Variants in RBM27 observed in about 807,000 individuals in gnomAD.
RBM27 encodes RNA binding motif protein 27, also known as RNA-binding protein 27.
In RBM27, 22 loss-of-function variants were observed where a neutral mutation model predicts 135.3. The ratio of observed to expected loss-of-function variants is 0.16; its 90% CI spans 0.12 to 0.23. RBM27 has a LOEUF of 0.23. Ranked by LOEUF, RBM27 falls within the 10% of genes least tolerant of loss-of-function variation. The pLI is 1.00. For synonymous variants in RBM27, 481 were observed against 442.4 expected (o/e 1.09, Z -1.10); for missense variants, 1,009 against 1,281.0 (o/e 0.79, Z 3.24).
intron 19 of RBM27, among the ~76,000 whole-genome samples, chr5:146,272,119 A>G (rs553422719): frequency 6.6e-6 from 1 of 152,378 alleles, no homozygotes; most frequent in East Asian, 1.9e-4. Flanking sequence ...TGTTTTGGAC[A>G]TATGCAGTAT....
chr5:146,265,500 C>A (rs1045602966), intron 14 of RBM27, among the ~76,000 whole-genome samples: 1 of 152,110 alleles, frequency 6.6e-6, no homozygotes, highest in African/African-American at 2.4e-5. Context: ...TTGATTACGT[C>A]TTGTTTTGTA....
chr5:146,264,878 T>C (rs1041395696), intron 14 of RBM27, among the ~76,000 whole-genome samples: 2 of 152,148 alleles, frequency 1.3e-5, no homozygotes, highest in East Asian at 1.9e-4. Flanking sequence ...ATAAATAGTA[T>C]TGGGATGACT....
intron 15 of RBM27, 36 bp downstream of exon 15, chr5:146,267,804 A>C (rs1175968919): frequency 6.3e-7 from 1 of 1,588,042 alleles, no homozygotes; most frequent in African/African-American, 1.4e-5. Flanking sequence ...TACAGAAGAA[A>C]AGATGCCTTG....
intron 19 of RBM27, among the ~76,000 whole-genome samples, chr5:146,276,244 A>G (rs1759088393): frequency 6.6e-6 from 1 of 152,126 alleles, no homozygotes; most frequent in South Asian, 2.1e-4. Flanking sequence ...AAAAAAATAA[A>G]TTATTCTACT....
rs534086909 is a variant in RBM27, at chr5:146,208,060, A to C, written c.59+4236A>C. ...CAACTTCTGCCTCCCGGGTTCAAGC[A>C]ATTCTCCTGCCTCAGCCTCCTGAGT... On this transcript the variant is annotated intron_variant, in intron 1 of 20. Transcript: ENST00000265271. 7.0e-5 allele frequency among the ~76,000 whole-genome samples: 10 copies of C among 143,228 alleles called. No homozygotes were observed. The East Asian group carries it at 1.7e-3, about 24-fold the overall frequency. The allele number at this position is 143,228 out of a possible 152,430, so 94.0% of individuals were successfully genotyped here.
chr5:146,233,961 C>G (rs78484098), intron 7 of RBM27, among the ~76,000 whole-genome samples: 2,983 of 152,166 alleles, frequency 0.02, 100 homozygotes, highest in African/African-American at 0.069. Flanking sequence ...GTGTAGTGGC[C>G]TAACCTATAT....
At chr5:146,210,879 G>A (rs906399592) in intron 1 of RBM27, among the ~76,000 whole-genome samples, 5 of 152,058 alleles carry the variant, frequency 3.3e-5, no homozygotes, top group Non-Finnish European at 4.4e-5. Context: ...CCTGGGAGGC[G>A]GAGGTTGCAG....
chr5:146,262,729 T>C (rs1052428278), intron 13 of RBM27, among the ~76,000 whole-genome samples: 2 of 152,198 alleles, frequency 1.3e-5, no homozygotes, highest in African/African-American at 2.4e-5. Context: ...GGGTGAATAG[T>C]GTAGAAAAGA....
chr5:146,237,246 T>C, intron 7 of RBM27, 52 bp from the exon 8 acceptor site: 2 of 1,607,130 alleles, frequency 1.2e-6, no homozygotes, highest in Admixed American at 1.7e-5. Flanking sequence ...CCTGATACTT[T>C]TATTAGGAAA....
chr5:146,226,701 C>G (rs1419248693), intron 3 of RBM27, among the ~76,000 whole-genome samples: 1 of 151,644 alleles, frequency 6.6e-6, no homozygotes, highest in Non-Finnish European at 1.5e-5. Flanking sequence ...TTTAAAAGAA[C>G]AGTTTTAAAA....
chr5:146,235,421 CG>C (rs562269206), intron 7 of RBM27, among the ~76,000 whole-genome samples: 4 of 151,782 alleles, frequency 2.6e-5, no homozygotes, highest in Non-Finnish European at 5.9e-5. Flanking sequence ...CCAGGCATGT[CG>C]GGGGGTGCAT....
rs545594113 is a variant in RBM27, at chr5:146,277,359, G to A, written c.2988+5685G>A. On this transcript the variant is annotated intron_variant, in intron 19 of 20. Coordinates refer to ENST00000265271, the MANE Select transcript of RBM27 (RefSeq NM_018989.2). ...AGAATTGTTCATGTTTATGAATATAGATATACATTTGTCTTATTTGAAGGC... is the reference window on the plus strand; with the variant it reads ...AGAATTGTTCATGTTTATGAATATAAATATACATTTGTCTTATTTGAAGGC... Among the ~76,000 whole-genome samples, 5 of 152,108 alleles carry A rather than the reference G, an allele frequency of 3.3e-5. No individual in the cohort carries two copies. In the East Asian group the frequency reaches 9.7e-4, roughly 29 times the overall value.
intron 8 of RBM27, among the ~76,000 whole-genome samples, chr5:146,245,571 A>T (rs1757591289): frequency 6.6e-6 from 1 of 152,212 alleles, no homozygotes; most frequent in Admixed American, 6.5e-5. Flanking sequence ...TTGTTAAAAC[A>T]GTATAATTCT....
At chr5:146,262,242 A>G (rs920121509) in intron 13 of RBM27, among the ~76,000 whole-genome samples, 7 of 152,186 alleles carry the variant, frequency 4.6e-5, no homozygotes, top group Admixed American at 4.6e-4. Context: ...TGCACCCTAA[A>G]GTATAATAAC....
In RBM27 at chr5:146,251,764, T is replaced by C. The variant is rs200978662; in HGVS notation, c.1333T>C (p.Leu445=). ...TGCTGCTGCATCTGAGCGACTTCAG[T>C]TGGGGACACCGCCTCCTCTGTTGGC... ...HGAAASERLQ[L]GTPPPLLAAR... The change falls in exon 9 of 21, where the codon TTG becomes CTG. Residue 445 remains leucine (L), a synonymous_variant. Transcript: ENST00000265271. The C allele has an allele frequency of 2.6e-4, 425 of 1,613,288 alleles. No individual in the cohort carries two copies. Among genetic ancestry groups the C allele is most frequent in the Non-Finnish European group, 3.4e-4 (398 of 1,179,336 alleles).
At chr5:146,275,175 A>G (rs1759041041) in intron 19 of RBM27, among the ~76,000 whole-genome samples, 1 of 151,418 alleles carries the variant, frequency 6.6e-6, no homozygotes, top group East Asian at 1.9e-4. Context: ...CAAATATTTA[A>G]GTTAAACATA....
chr5:146,235,259 G>A (rs1219978288), intron 7 of RBM27, among the ~76,000 whole-genome samples: 2 of 152,030 alleles, frequency 1.3e-5, no homozygotes, highest in East Asian at 3.9e-4. Flanking sequence ...GTATTCTGTA[G>A]AATATACATT....
chr5:146,233,437 C>A lies in RBM27; in HGVS notation c.851-13C>A. ...ATGATAATAAGATTCTTTTTTTATT[C>A]TTTATTCCACAGAAAGAGGATTTTG... On this transcript the variant is annotated splice_polypyrimidine_tract_variant and intron_variant, in intron 6 of 20. Transcript: ENST00000265271. 6.6e-7 allele frequency: 1 copy of A among 1,509,140 alleles called. No homozygotes were observed. Among genetic ancestry groups the A allele is most frequent in the Admixed American group, 2.3e-5 (1 of 43,300 alleles). The allele number at this position is 1,509,140 out of a possible 1,614,324, so 93.5% of individuals were successfully genotyped here.
Position 146,228,944 on chromosome 5 carries a change from A to G in RBM27, c.304-2A>G. 1 of 1,612,070 alleles carries G rather than the reference A, an allele frequency of 6.2e-7. No individual in the cohort carries two copies. Among genetic ancestry groups the G allele is most frequent in the Non-Finnish European group, 8.5e-7 (1 of 1,178,474 alleles). ...TTACTTCTACTCAATATTTTCATAT[A>G]GGTATTTCAGGAGCCAGCAGAGGAA... On this transcript the variant is annotated splice_acceptor_variant, in intron 3 of 20. Transcript: ENST00000265271. LOFTEE classifies it high-confidence loss of function.
Sources: allele counts gnomAD v4.1 joint callset (sites outside exome capture counted in the v4.1 genomes callset), GRCh38; gene constraint gnomAD v4.1.1; transcripts MANE v1.5; gene names NCBI Gene and HGNC (gene_info 2026-07-23, HGNC 2026-07-21).